The following SPTBN5 variants were observed in gnomAD, a reference collection of about 807,000 sequenced individuals.
The protein encoded by SPTBN5 is spectrin beta chain, non-erythrocytic 5.
In SPTBN5, 513 loss-of-function variants were observed where a neutral mutation model predicts 477.6. That is an observed-to-expected ratio of 1.07 (90% CI 1.00 to 1.16). The LOEUF is 1.16. Ranked by LOEUF, SPTBN5 falls within the 50% of genes most tolerant of loss-of-function variation. SPTBN5 has a pLI of 0.00. For synonymous variants in SPTBN5, 2,169 were observed against 2,011.7 expected (o/e 1.08, Z -2.09); for missense variants, 5,062 against 4,731.8 (o/e 1.07, Z -2.05).
At position 41,886,277 on chromosome 15, in the gene SPTBN5, C is replaced by T; in HGVS notation, c.978G>A (p.Gln326=). The T allele has an allele frequency of 6.2e-7, 1 of 1,613,366 alleles. No homozygotes were observed. The highest frequency in any genetic ancestry group is 8.5e-7 in the Non-Finnish European group (1 of 1,179,884). Residue 326 remains glutamine, a synonymous_variant, in exon 7 of 68, where the codon CAG becomes CAA. Coordinates refer to ENST00000320955, the MANE Select transcript of SPTBN5 (RefSeq NM_016642.4). The part of the protein sequence containing the change: ...ADLLRWIAEK[Q]MQLEARDFPD... ...GAAAATCCCGCGCCTCCAGCTGCATCTGCTTCTCTGCAATCCAGCGTAGAA... is the reference window on the plus strand; with the variant it reads ...GAAAATCCCGCGCCTCCAGCTGCATTTGCTTCTCTGCAATCCAGCGTAGAA...
chr15:41,857,659 C>T lies in SPTBN5; in HGVS notation c.8278G>A (p.Glu2760Lys). 1 of 1,591,262 alleles carries T rather than the reference C, an allele frequency of 6.3e-7. No individual in the cohort carries two copies. The highest frequency in any genetic ancestry group is 1.7e-4 in the Middle Eastern group (1 of 6,028). The change falls in exon 50 of 68, where the codon GAG becomes AAG. Residue 2760 changes from glutamate to lysine, a missense_variant. Physicochemically the swap from Glu to Lys is moderately conservative, Grantham distance 56. Transcript: ENST00000320955. ...GGHPASEAIQ[E>K]RLEELGALWG... ...AGTGCTCCCAGCTCCTCCAGTCGCTCCTGGATGGCCTCCGAGGCTGGGTGG... is the reference window on the plus strand; with the variant it reads ...AGTGCTCCCAGCTCCTCCAGTCGCTTCTGGATGGCCTCCGAGGCTGGGTGG...
rs2067007584 is a variant in SPTBN5, at chr15:41,882,598, AGG to A, written c.2031_2032del (p.Leu678AlafsTer9). 6.2e-7 allele frequency: 1 copy of A among 1,602,604 alleles called. No homozygotes were observed. Among genetic ancestry groups the A allele is most frequent in the Non-Finnish European group, 8.5e-7 (1 of 1,175,964 alleles). ...GGGAGCTGACACCTTGTGTTTCTGC[AGG>A]GCGCCTGCGATCTGGCTGAGATCCC... is the stretch of plus-strand genomic sequence containing the variant. On this transcript the variant is annotated frameshift_variant, in exon 10 of 68. Coordinates refer to ENST00000320955, the MANE Select transcript of SPTBN5 (RefSeq NM_016642.4). LOFTEE classifies it high-confidence loss of function.
intron 52 of SPTBN5, 27 bp downstream of exon 52, chr15:41,856,826 G>A (rs1042825857): frequency 1.3e-6 from 2 of 1,530,142 alleles, no homozygotes; most frequent in African/African-American, 1.4e-5. Flanking sequence ...CATGTGCGAG[G>A]CCAGCCCTCC....
chr15:41,870,610 T>A (rs1406024718), intron 29 of SPTBN5, 50 bp from the exon 30 acceptor site: 1 of 1,498,184 alleles, frequency 6.7e-7, no homozygotes, highest in Admixed American at 1.8e-5. Context: ...CCGGGCCGTG[T>A]CATTCCTCCC....
At chr15:41,859,025 C>A in intron 47 of SPTBN5, 45 bp from the exon 48 acceptor site, 9 of 1,441,272 alleles carry the variant, frequency 6.2e-6, no homozygotes, top group Non-Finnish European at 8.2e-6. Context: ...CCCCCGGGGC[C>A]AGGTGGGGTG....
intron 42 of SPTBN5, 31 bp downstream of exon 42, chr15:41,862,759 C>G (rs1489057415): frequency 6.5e-7 from 1 of 1,549,842 alleles, no homozygotes; most frequent in East Asian, 2.4e-5. Context: ...CAGGAGATGC[C>G]CTGGGCCCAG....
At position 41,856,380 on chromosome 15, in the gene SPTBN5, C is replaced by A. The variant is rs1317364814; in HGVS notation, c.9021+6G>T. 1.9e-6 allele frequency: 3 copies of A among 1,566,442 alleles called. No homozygotes were observed. The East Asian group carries it at 6.9e-5, about 36-fold the overall frequency. On this transcript the variant is annotated splice_donor_region_variant and intron_variant, in intron 53 of 67. Transcript: ENST00000320955. Reference sequence around the variant, plus strand: ...CCTGCTGTGCCCTGCCCATCACTCCCCTCACCTCAGTCAGAAACTGCTGGG... The same window carrying A: ...CCTGCTGTGCCCTGCCCATCACTCCACTCACCTCAGTCAGAAACTGCTGGG...
intron 12 of SPTBN5, 124 bp downstream of exon 12, chr15:41,881,812 A>G: frequency 2.2e-6 from 2 of 890,220 alleles, no homozygotes; most frequent in Non-Finnish European, 3.2e-6. Flanking sequence ...GGACACCTAC[A>G]CCCACGGGAA....
rs376439653 is a variant in SPTBN5, at chr15:41,851,091, G to A, written c.10803C>T (p.Gly3601=). The change falls in exon 65 of 68, where the codon GGC becomes GGT. Residue 3601 remains glycine (G), a synonymous_variant. Coordinates refer to ENST00000320955, the MANE Select transcript of SPTBN5 (RefSeq NM_016642.4). ...AGAATGTGTGTTTCCTGCCGTGGCG[G>A]CCCCGCAGCCTCTCACACCGGGCTC... is the stretch of plus-strand genomic sequence containing the variant. ...LTGARCERLR[G]RHGRKHTFSL... 6.2e-7 allele frequency: 1 copy of A among 1,613,010 alleles called. No individual in the cohort carries two copies. The highest frequency in any genetic ancestry group is 1.1e-5 in the South Asian group (1 of 90,950).
At chr15:41,892,817 G>GA (rs895789864) in intron 3 of SPTBN5, 77 bp downstream of exon 3, 21 of 1,479,862 alleles carry the variant, frequency 1.4e-5, no homozygotes, top group Non-Finnish European at 1.8e-5. Flanking sequence ...CCTGGCGCAG[G>GA]AAAGGTGACC....
chr15:41,881,989 G>T lies in SPTBN5; in HGVS notation c.2404C>A (p.Arg802=), dbSNP rs769792971. The change falls in exon 12 of 68, where the codon CGG becomes AGG. Residue 802 remains arginine, a synonymous_variant. Transcript: ENST00000320955. ...GCCCGCCCCTGCTCCTCCAGCCGCC[G>T]CAGCTCGGCCGCGAAGGCGCGCAGG... ...RVLRAFAAEL[R]RLEEQGRAAS... is the part of the protein sequence containing the mutation. 3.3e-6 allele frequency: 5 copies of T among 1,537,028 alleles called. No homozygotes were observed. In the East Asian group the frequency reaches 7.5e-5, roughly 23 times the overall value.
At chr15:41,882,894 T>C in intron 9 of SPTBN5, 102 bp downstream of exon 9, 1 of 1,353,086 alleles carries the variant, frequency 7.4e-7, no homozygotes, top group East Asian at 2.5e-5. Flanking sequence ...AGGGTCAGTG[T>C]GGAGAAAACT....
At chr15:41,892,594 G>C (rs1222656510) in intron 3 of SPTBN5, among the ~76,000 whole-genome samples, 1 of 152,208 alleles carries the variant, frequency 6.6e-6, no homozygotes, top group African/African-American at 2.4e-5. Context: ...CTAAGAGAAC[G>C]CTAAGATTCT....
chr15:41,855,875 C>T (rs2065917486), intron 53 of SPTBN5, 130 bp from the exon 54 acceptor site: 2 of 945,988 alleles, frequency 2.1e-6, no homozygotes, highest in African/African-American at 3.3e-5. Flanking sequence ...AGCCTGGCCC[C>T]ACTCCTAAGC....
chr15:41,876,422 A>G (rs2066729644), intron 20 of SPTBN5, 126 bp downstream of exon 20: 1 of 1,353,116 alleles, frequency 7.4e-7, no homozygotes, highest in African/African-American at 1.4e-5. Flanking sequence ...CCTGCCTCAC[A>G]GAAGGTGTTG....
intron 34 of SPTBN5, 32 bp from the exon 35 acceptor site, chr15:41,867,674 G>A: frequency 1.2e-6 from 2 of 1,600,484 alleles, no homozygotes; most frequent in Non-Finnish European, 8.5e-7. Context: ...AGGCCACCAA[G>A]CCTTCCAGCC....
In SPTBN5 at chr15:41,863,766, C is replaced by T. The variant is rs1191025330; in HGVS notation, c.7087G>A (p.Ala2363Thr). 6.2e-6 allele frequency: 10 copies of T among 1,613,696 alleles called. No homozygotes were observed. In the Admixed American group the frequency reaches 6.7e-5, roughly 11 times the overall value. The change falls in exon 41 of 68, where the codon GCC (alanine) becomes ACC (threonine). Residue 2363 changes from alanine (A) to threonine (T), a missense_variant. Transcript: ENST00000320955. ...LLRYQQQLEG[A>T]LEIHVLSREL... ...CGGGACAACACGTGTATCTCCAAGG[C>T]CCCTTCGAGCTGCTGCTGGTACCGG...
Position 41,874,117 on chromosome 15 carries a change from T to C in SPTBN5, c.4690-72A>G, listed in dbSNP as rs189924054. 18 of 1,524,810 alleles carry C rather than the reference T, an allele frequency of 1.2e-5. No homozygotes were observed. The African/African-American group carries it at 1.9e-4, about 16-fold the overall frequency. The allele number at this position is 1,524,810 out of a possible 1,614,324, so 94.5% of individuals were successfully genotyped here. A position where few individuals can be genotyped will look rare whatever the true frequency, so the allele number is the denominator to read the frequency against. On this transcript the variant is annotated intron_variant, in intron 24 of 67. Coordinates refer to ENST00000320955, the MANE Select transcript of SPTBN5 (RefSeq NM_016642.4). ...TCCGGAGCAGAGCCATGGATGTGGCTCCAGGCCCCAATCATGGCAAGACCC... is the reference window on the plus strand; with the variant it reads ...TCCGGAGCAGAGCCATGGATGTGGCCCCAGGCCCCAATCATGGCAAGACCC...
In SPTBN5 at chr15:41,858,910, A is replaced by G. The variant is rs1394816461; in HGVS notation, c.8059T>C (p.Phe2687Leu). The change falls in exon 48 of 68, where the codon TTC becomes CTC. Residue 2687 changes from phenylalanine to leucine, a missense_variant. Phe to Leu is a conservative substitution (Grantham distance 22). Coordinates refer to ENST00000320955, the MANE Select transcript of SPTBN5 (RefSeq NM_016642.4). ...RLEELRQLQA[F>L]LQDSQEVAAW... Reference sequence around the variant, plus strand: ...CGAACCTCCTGGGAGTCCTGCAGGAAGGCCTGCAGCTGCCGGAGCTCCTCC... The same window carrying G: ...CGAACCTCCTGGGAGTCCTGCAGGAGGGCCTGCAGCTGCCGGAGCTCCTCC... 5.0e-6 allele frequency: 8 copies of G among 1,592,330 alleles called. No individual in the cohort carries two copies. Among genetic ancestry groups the G allele is most frequent in the Non-Finnish European group, 4.3e-6 (5 of 1,167,132 alleles).
Sources: gnomAD v4.1 joint callset for allele counts (sites outside exome capture counted in the v4.1 genomes callset) on GRCh38, gnomAD v4.1.1 for gene constraint, MANE v1.5 for transcripts, NCBI Gene and HGNC (gene_info 2026-07-23, HGNC 2026-07-21) for gene names.